TRAF3IP1: variants seen among roughly 807,000 people sequenced by gnomAD.
TRAF3IP1 encodes intraflagellar transport 54, also known as TRAF3-interacting protein 1.
Under a neutral mutation model 89.9 loss-of-function variants are expected in TRAF3IP1, and 53 were observed. The ratio of observed to expected loss-of-function variants is 0.59; its 90% CI spans 0.47 to 0.74. TRAF3IP1 has a LOEUF of 0.74. Among genes scored for constraint, TRAF3IP1 ranks in the 30% least tolerant of loss-of-function variants. The probability of loss-of-function intolerance (pLI) is 0.00; values close to 1 mark genes in which losing one functional copy is unlikely to be tolerated. For missense variants in TRAF3IP1, 806 were observed against 866.1 expected, an observed-to-expected ratio of 0.93 and a Z score of 0.87; for synonymous variants, 311 against 322.1, an observed-to-expected ratio of 0.97 and a Z score of 0.37.
At chr2:238,380,528 G>A (rs748512124) in intron 15 of TRAF3IP1, among the ~76,000 whole-genome samples, 4 of 152,092 alleles carry the variant, frequency 2.6e-5, no homozygotes, top group Non-Finnish European at 4.4e-5. Flanking sequence ...ACTGCTGCCC[G>A]ACCCAGTGGC....
intron 9 of TRAF3IP1, among the ~76,000 whole-genome samples, chr2:238,346,385 C>T (rs1048672381): frequency 4.6e-5 from 7 of 152,172 alleles, no homozygotes; most frequent in East Asian, 1.9e-4. Context: ...CCAGGCTACC[C>T]CCTGTGCTGT....
At chr2:238,366,184 A>G (rs1223594187) in intron 15 of TRAF3IP1, among the ~76,000 whole-genome samples, 1 of 151,742 alleles carries the variant, frequency 6.6e-6, no homozygotes, top group Non-Finnish European at 1.5e-5. Flanking sequence ...GTGAGCAGAG[A>G]TCGCGCGCGC....
chr2:238,336,062 G>A (rs932899140), intron 7 of TRAF3IP1, among the ~76,000 whole-genome samples: 3 of 152,072 alleles, frequency 2.0e-5, no homozygotes, highest in African/African-American at 7.2e-5. Context: ...AAAGTGCTGG[G>A]ATTACAGCTG....
intron 9 of TRAF3IP1, 165 bp downstream of exon 9, chr2:238,344,763 C>T (rs772466241): frequency 1.4e-5 from 10 of 708,988 alleles, no homozygotes; most frequent in East Asian, 1.4e-4. Flanking sequence ...AAACTAGAAT[C>T]GAACATGGTG....
chr2:238,376,924 G>A (rs145751525), intron 15 of TRAF3IP1, among the ~76,000 whole-genome samples: 286 of 152,274 alleles, frequency 1.9e-3, no homozygotes, highest in African/African-American at 6.4e-3. Flanking sequence ...TGAGACTCGG[G>A]CACTGTTGTT....
At chr2:238,388,593 C>CTTTTTTTTTT (rs752954955) in intron 15 of TRAF3IP1, among the ~76,000 whole-genome samples, 1 of 104,198 alleles carries the variant, frequency 9.6e-6, no homozygotes, top group Non-Finnish European at 1.9e-5. Context: ...AAGAACACAA[C>CTTTTTTTTTT]TTTTTTTTTT....
At chr2:238,372,237 C>T (rs1700140103) in intron 15 of TRAF3IP1, among the ~76,000 whole-genome samples, 1 of 152,110 alleles carries the variant, frequency 6.6e-6, no homozygotes, top group African/African-American at 2.4e-5. Context: ...CCCATCAACT[C>T]GTCATTTACA....
At chr2:238,383,093 G>T (rs571811306) in intron 15 of TRAF3IP1, among the ~76,000 whole-genome samples, 3 of 152,106 alleles carry the variant, frequency 2.0e-5, no homozygotes, top group African/African-American at 4.8e-5. Context: ...GAACCTGCTG[G>T]TGGTTTTCAC....
intron 15 of TRAF3IP1, among the ~76,000 whole-genome samples, chr2:238,381,205 C>T (rs996239821): frequency 6.6e-6 from 1 of 151,126 alleles, no homozygotes; most frequent in African/African-American, 2.4e-5. Flanking sequence ...AGCTTGAACC[C>T]AAGTTTATCT....
Position 238,344,559 on chromosome 2 carries a change from T to C in TRAF3IP1, c.1222T>C (p.Cys408Arg), listed in dbSNP as rs760337420. Residue 408 changes from cysteine (C) to arginine (R), a missense_variant, in exon 9 of 17, where the codon TGT (cysteine) becomes CGT (arginine). Cys to Arg is a radical substitution (Grantham distance 180). Transcript: ENST00000373327. ...ISDDNSASLR[C>R]ENIQPNPTEK... ...AGATGATAATTCAGCTAGTCTGCGG[T>C]GTGAGAATATTCAGCCCAACCCCAC... 6.2e-7 allele frequency: 1 copy of C among 1,614,148 alleles called. No homozygotes were observed. Among genetic ancestry groups the C allele is most frequent in the Admixed American group, 1.7e-5 (1 of 60,014 alleles).
chr2:238,341,526 T>C (rs926036898), intron 8 of TRAF3IP1, among the ~76,000 whole-genome samples: 3 of 147,940 alleles, frequency 2.0e-5, no homozygotes, highest in Non-Finnish European at 3.0e-5. Context: ...GAAATGTTTT[T>C]CTATTCTTTT....
At chr2:238,371,122 A>C (rs1700094134) in intron 15 of TRAF3IP1, among the ~76,000 whole-genome samples, 1 of 152,256 alleles carries the variant, frequency 6.6e-6, no homozygotes, top group African/African-American at 2.4e-5. Flanking sequence ...AGTTAATGCG[A>C]CATTGAAAGT....
intron 15 of TRAF3IP1, among the ~76,000 whole-genome samples, chr2:238,381,802 G>A (rs894125150): frequency 1.3e-5 from 2 of 152,082 alleles, no homozygotes; most frequent in African/African-American, 4.8e-5. Flanking sequence ...GCATGGGGTG[G>A]GATACTTCTG....
intron 15 of TRAF3IP1, among the ~76,000 whole-genome samples, chr2:238,389,847 A>G (rs1700922784): frequency 6.6e-6 from 1 of 152,064 alleles, no homozygotes; most frequent in Non-Finnish European, 1.5e-5. Context: ...ATGTGTATTT[A>G]TATGACTTAT....
At chr2:238,359,691 T>C (rs1432217756) in intron 15 of TRAF3IP1, among the ~76,000 whole-genome samples, 4 of 152,214 alleles carry the variant, frequency 2.6e-5, no homozygotes, top group African/African-American at 7.2e-5. Context: ...AACATTAATG[T>C]TCAAGTCTTT....
Position 238,397,462 on chromosome 2 carries a change from C to T in TRAF3IP1, c.1693C>T (p.Arg565Ter), listed in dbSNP as rs760692076. ...TCCTATGTCTCCCTGACTGTAGGAG[C>T]GATCTCTCTTTGAGTCGGCATGGAA... ...QQSPKPGEKERSLFESAWKKE... is the reference protein window; with the variant it reads ...QQSPKPGEKE Residue 565 changes from arginine (R) to a stop codon, truncating the protein, a stop_gained, in exon 16 of 17, where the codon CGA becomes TGA. Coordinates refer to ENST00000373327, the MANE Select transcript of TRAF3IP1 (RefSeq NM_015650.4). LOFTEE classifies it high-confidence loss of function. 6.8e-6 allele frequency: 11 copies of T among 1,612,536 alleles called. No individual in the cohort carries two copies. The highest frequency in any genetic ancestry group is 2.2e-5 in the East Asian group (1 of 44,894).
intron 15 of TRAF3IP1, among the ~76,000 whole-genome samples, chr2:238,359,900 T>C (rs1472289543): frequency 6.6e-6 from 1 of 152,212 alleles, no homozygotes; most frequent in African/African-American, 2.4e-5. Flanking sequence ...GGACAATAAC[T>C]GATATTAAAC....
At chr2:238,380,077 T>C (rs1231078000) in intron 15 of TRAF3IP1, among the ~76,000 whole-genome samples, 1 of 152,214 alleles carries the variant, frequency 6.6e-6, no homozygotes. Flanking sequence ...CTTTGAAATT[T>C]GCTTAGAGGT....
intron 1 of TRAF3IP1, among the ~76,000 whole-genome samples, chr2:238,323,140 A>T (rs1455920909): frequency 2.6e-5 from 4 of 151,030 alleles, no homozygotes; most frequent in African/African-American, 9.8e-5. Context: ...GTGCAGTGAC[A>T]CAGTCTCCAC....
Sources: allele counts gnomAD v4.1 joint callset (sites outside exome capture counted in the v4.1 genomes callset), GRCh38; gene constraint gnomAD v4.1.1; transcripts MANE v1.5; gene names NCBI Gene and HGNC (gene_info 2026-07-23, HGNC 2026-07-21).